The following KCNJ16 variants were observed in gnomAD, a reference collection of about 807,000 sequenced individuals.
KCNJ16 encodes the protein inward rectifier potassium channel 16.
KCNJ16 carries 15 observed loss-of-function variants against 18.5 expected under a neutral mutation model. That is an observed-to-expected ratio of 0.81 (90% CI 0.54 to 1.25). KCNJ16 has a LOEUF of 1.25. Among genes scored for constraint, KCNJ16 ranks in the 50% most tolerant of loss-of-function variants. The pLI is 0.00. For synonymous variants in KCNJ16, 174 were observed against 186.5 expected, an observed-to-expected ratio of 0.93 and a Z score of 0.55; for missense variants, 523 against 525.7, an observed-to-expected ratio of 0.99 and a Z score of 0.05.
At chr17:70,106,544 C>T (rs2072936067) in intron 2 of KCNJ16, among the ~76,000 whole-genome samples, 2 of 152,106 alleles carry the variant, frequency 1.3e-5, no homozygotes, top group Admixed American at 1.3e-4. Context: ...TCCAAAGATA[C>T]ATGTTTTGCT....
intron 2 of KCNJ16, among the ~76,000 whole-genome samples, chr17:70,107,804 G>A (rs1320898069): frequency 6.6e-6 from 1 of 152,140 alleles, no homozygotes; most frequent in East Asian, 1.9e-4. Context: ...CATAAAATTG[G>A]AGTGCTATTT....
At chr17:70,113,833 G>C (rs7209456) in intron 2 of KCNJ16, among the ~76,000 whole-genome samples, 8,770 of 151,832 alleles carry the variant, frequency 0.058, 815 homozygotes, top group African/African-American at 0.2. Context: ...GGAAGAGAAA[G>C]TATTAAAAAA....
In KCNJ16 at chr17:70,132,799, C is replaced by T. The variant is rs2074106783; in HGVS notation, c.712C>T (p.Leu238Phe). The T allele has an allele frequency of 4.3e-6, 7 of 1,613,934 alleles. No homozygotes were observed. Among genetic ancestry groups the T allele is most frequent in the Non-Finnish European group, 5.9e-6 (7 of 1,180,030 alleles). ...EGRMTMAFKD[L>F]KLVNDQIILV... is the part of the protein sequence containing the mutation. ...GAGGATGACGATGGCATTTAAAGAC[C>T]TCAAATTAGTCAACGACCAAATCAT... The change falls in exon 4 of 4, where the codon CTC becomes TTC. Residue 238 changes from leucine (L) to phenylalanine (F), a missense_variant. Coordinates refer to ENST00000392671, the MANE Select transcript of KCNJ16 (RefSeq NM_170741.4).
intron 2 of KCNJ16, among the ~76,000 whole-genome samples, chr17:70,124,455 A>G (rs896690906): frequency 2.6e-5 from 4 of 152,230 alleles, no homozygotes; most frequent in Non-Finnish European, 5.9e-5. Flanking sequence ...GAAAACAAGA[A>G]TGAAAATAAT....
chr17:70,099,859 C>G (rs894083574), intron 1 of KCNJ16, among the ~76,000 whole-genome samples: 3 of 152,146 alleles, frequency 2.0e-5, no homozygotes, highest in African/African-American at 7.2e-5. Flanking sequence ...AGAGGAACTA[C>G]ATGTTAGCCA....
At chr17:70,090,106 G>A (rs2072016803) in intron 1 of KCNJ16, among the ~76,000 whole-genome samples, 1 of 152,184 alleles carries the variant, frequency 6.6e-6, no homozygotes, top group Non-Finnish European at 1.5e-5. Flanking sequence ...CAAAGTAATT[G>A]TGCTGGTAAA....
At chr17:70,087,529 C>T (rs1048836486) in intron 1 of KCNJ16, among the ~76,000 whole-genome samples, 3 of 152,012 alleles carry the variant, frequency 2.0e-5, no homozygotes, top group Non-Finnish European at 2.9e-5. Flanking sequence ...TGGTGAAACC[C>T]GTTCTCTACT....
chr17:70,131,371 G>C, intron 3 of KCNJ16: 1 of 1,041,882 alleles, frequency 9.6e-7, no homozygotes, highest in East Asian at 8.2e-5. Flanking sequence ...TGGAGTTAGG[G>C]GGAAATGAGT....
At chr17:70,131,491 AC>A (rs2074056807) in intron 3 of KCNJ16, 2 of 996,700 alleles carry the variant, frequency 2.0e-6, no homozygotes, top group Admixed American at 1.1e-4. Flanking sequence ...GTGAGGGATT[AC>A]CTATTACACT....
At chr17:70,118,604 TGAGA>T (rs908483758) in intron 2 of KCNJ16, among the ~76,000 whole-genome samples, 3 of 151,848 alleles carry the variant, frequency 2.0e-5, no homozygotes, top group African/African-American at 7.3e-5. Flanking sequence ...CAGGAGCAAG[TGAGA>T]GAGAGAATTG....
chr17:70,099,861 T>C (rs1396645113), intron 1 of KCNJ16, among the ~76,000 whole-genome samples: 5 of 152,172 alleles, frequency 3.3e-5, no homozygotes, highest in Non-Finnish European at 7.3e-5. Flanking sequence ...AGGAACTACA[T>C]GTTAGCCAAC....
Position 70,132,850 on chromosome 17 carries a change from C to G in KCNJ16, c.763C>G (p.His255Asp), listed in dbSNP as rs1261848829. 6.2e-7 allele frequency: 1 copy of G among 1,614,036 alleles called. No individual in the cohort carries two copies. Among genetic ancestry groups the G allele is most frequent in the East Asian group, 2.2e-5 (1 of 44,870 alleles). ...IILVTPVTIV[H>D]EIDHESPLYA... Reference sequence around the variant, plus strand: ...CCTGGTCACCCCGGTAACTATTGTCCATGAAATTGACCATGAGAGCCCTCT... The same window carrying G: ...CCTGGTCACCCCGGTAACTATTGTCGATGAAATTGACCATGAGAGCCCTCT... The change falls in exon 4 of 4, where the codon CAT becomes GAT. Residue 255 changes from histidine (H) to aspartate (D), a missense_variant. By Grantham distance (81) the His-to-Asp change is moderately conservative. Coordinates refer to ENST00000392671, the MANE Select transcript of KCNJ16 (RefSeq NM_170741.4).
intron 2 of KCNJ16, 52 bp from the exon 3 acceptor site, chr17:70,130,827 C>T: frequency 2.6e-6 from 2 of 771,832 alleles, no homozygotes; most frequent in Non-Finnish European, 4.4e-6. Context: ...CTAATAGTTA[C>T]TAAGCTGTTA....
chr17:70,131,405 C>A, intron 3 of KCNJ16: 1 of 1,013,978 alleles, frequency 9.9e-7, no homozygotes, highest in Non-Finnish European at 1.2e-6. Context: ...GTACTCCTGT[C>A]AGTTCTGTTT....
rs1327322898 is a variant in KCNJ16 at position 70,097,194 on chromosome 17, C to T, written c.-299-3464C>T. ...CCTCACTGGGAGGTTTGTTCGTTCA[C>T]TGCATTACGGGGATCCACACAAAGG... is the stretch of plus-strand genomic sequence containing the variant. On this transcript the variant is annotated intron_variant, in intron 1 of 3. Transcript: ENST00000392671. Among the ~76,000 whole-genome samples, 9 of 152,122 alleles carry T rather than the reference C, an allele frequency of 5.9e-5. No individual in the cohort carries two copies. The East Asian group carries it at 1.7e-3, about 29-fold the overall frequency.
At chr17:70,102,360 TG>T (rs2072682104) in intron 2 of KCNJ16, 1 of 150,708 alleles carries the variant, frequency 6.6e-6, no homozygotes, top group South Asian at 2.1e-4. Context: ...CCCGAGTAGC[TG>T]GGACTACAGG....
intron 2 of KCNJ16, among the ~76,000 whole-genome samples, chr17:70,119,082 T>C (rs1280591295): frequency 6.6e-6 from 1 of 152,152 alleles, no homozygotes; most frequent in Non-Finnish European, 1.5e-5. Context: ...CCACACAAGT[T>C]TAAAACTTAG....
rs376517470 is a variant in KCNJ16 at position 70,117,222 on chromosome 17, G to A, written c.-190-13657G>A. On this transcript the variant is annotated intron_variant, in intron 2 of 3. Coordinates refer to ENST00000392671, the MANE Select transcript of KCNJ16 (RefSeq NM_170741.4). ...AGGAGCAGAAAACCAAATACTGCAT[G>A]TTCTCACTTAAAAGTGGAAGCTAAA... 1.1e-3 allele frequency among the ~76,000 whole-genome samples: 164 copies of A among 152,264 alleles called. 2 individuals are homozygous for A. In the South Asian group the frequency reaches 0.034, roughly 31 times the overall value.
At chr17:70,096,966 C>G (rs747403371) in intron 1 of KCNJ16, 2 of 398,108 alleles carry the variant, frequency 5.0e-6, no homozygotes, top group African/African-American at 2.1e-5. Context: ...CATGTCCTAA[C>G]ATATTAAATT....
Sources: allele counts gnomAD v4.1 joint callset (sites outside exome capture counted in the v4.1 genomes callset), GRCh38; gene constraint gnomAD v4.1.1; transcripts MANE v1.5; gene names NCBI Gene and HGNC (gene_info 2026-07-23, HGNC 2026-07-21).